TCERG1L: variants seen among roughly 807,000 people sequenced by gnomAD.
TCERG1L encodes the protein transcription elongation regulator 1-like protein.
Under a neutral mutation model 56.3 loss-of-function variants are expected in TCERG1L, and 37 were observed. That is an observed-to-expected ratio of 0.66 (90% confidence interval 0.51 to 0.87). The LOEUF (loss-of-function observed/expected upper bound fraction) is 0.87, where lower values mean the gene tolerates loss of function less well. Among genes scored for constraint, TCERG1L ranks in the 40% least tolerant of loss-of-function variants. TCERG1L has a pLI of 0.00. For missense variants in TCERG1L, 799 were observed against 774.2 expected, an observed-to-expected ratio of 1.03 and a Z score of -0.38; for synonymous variants, 324 against 326.3, an observed-to-expected ratio of 0.99 and a Z score of 0.08.
Position 131,247,045 on chromosome 10 carries a change from G to C in TCERG1L, c.856+13214C>G, listed in dbSNP as rs193216313. 3.9e-5 allele frequency among the ~76,000 whole-genome samples: 6 copies of C among 152,240 alleles called. No homozygotes were observed. In the East Asian group the frequency reaches 9.7e-4, roughly 25 times the overall value. ...GGCACAACAGATTCCCAAGCTGGTG[G>C]GGTGAGATGTGTAGGGAGGGGAGTA... On this transcript the variant is annotated intron_variant, in intron 4 of 11. Coordinates refer to ENST00000368642, the MANE Select transcript of TCERG1L (RefSeq NM_174937.4).
chr10:131,258,259 GA>G (rs1459961980), intron 4 of TCERG1L, among the ~76,000 whole-genome samples: 1 of 152,228 alleles, frequency 6.6e-6, no homozygotes, highest in Non-Finnish European at 1.5e-5. Context: ...CGATGGTTTA[GA>G]AAACAGCCCG....
chr10:131,177,919 C>T (rs898621731), intron 4 of TCERG1L, among the ~76,000 whole-genome samples: 10 of 151,618 alleles, frequency 6.6e-5, no homozygotes, highest in Non-Finnish European at 1.2e-4. Flanking sequence ...GTCAGCCTCT[C>T]GAGTCCCTGC....
chr10:131,215,979 G>A (rs1845665238), intron 4 of TCERG1L, among the ~76,000 whole-genome samples: 1 of 152,190 alleles, frequency 6.6e-6, no homozygotes, highest in African/African-American at 2.4e-5. Context: ...GGCCACAGCT[G>A]AGCCATGCTG....
chr10:131,290,785 A>ACACTG (rs5789083), intron 3 of TCERG1L, among the ~76,000 whole-genome samples: 82 of 151,734 alleles, frequency 5.4e-4, no homozygotes, highest in Admixed American at 1.0e-3. Context: ...AACACTTACC[A>ACACTG]CATTGGAGGT....
intron 11 of TCERG1L, among the ~76,000 whole-genome samples, chr10:131,097,433 C>T (rs1158889036): frequency 1.3e-5 from 2 of 152,082 alleles, no homozygotes; most frequent in African/African-American, 2.4e-5. Flanking sequence ...CTGCAAGCTC[C>T]GCCTCCCAGG....
At chr10:131,258,106 G>A (rs866690984) in intron 4 of TCERG1L, among the ~76,000 whole-genome samples, 10 of 151,896 alleles carry the variant, frequency 6.6e-5, no homozygotes, top group Admixed American at 5.2e-4. Context: ...CCCTCCATGG[G>A]ATAGCTCATC....
At chr10:131,307,223 T>C (rs914991459) in intron 3 of TCERG1L, among the ~76,000 whole-genome samples, 2 of 152,198 alleles carry the variant, frequency 1.3e-5, no homozygotes, top group African/African-American at 4.8e-5. Flanking sequence ...CCCTAATGCA[T>C]AATTACAAGG....
chr10:131,123,351 A>T (rs1346355015), intron 8 of TCERG1L, among the ~76,000 whole-genome samples: 1 of 152,130 alleles, frequency 6.6e-6, no homozygotes, highest in Admixed American at 6.5e-5. Context: ...AGGGTCTGAG[A>T]CCATCACAAG....
chr10:131,295,236 G>C (rs1000527365), intron 3 of TCERG1L, among the ~76,000 whole-genome samples: 1 of 152,130 alleles, frequency 6.6e-6, no homozygotes, highest in Non-Finnish European at 1.5e-5. Context: ...AGCCAACATC[G>C]CTTAGGAATA....
intron 3 of TCERG1L, among the ~76,000 whole-genome samples, chr10:131,273,634 A>G (rs1449226531): frequency 6.6e-6 from 1 of 152,152 alleles, no homozygotes; most frequent in Non-Finnish European, 1.5e-5. Context: ...ATTTGCCGAG[A>G]GGAGGCTCCA....
intron 8 of TCERG1L, among the ~76,000 whole-genome samples, chr10:131,131,284 G>C (rs1845615660): frequency 6.6e-6 from 1 of 152,150 alleles, no homozygotes; most frequent in Admixed American, 6.5e-5. Context: ...ATAGGAGGGA[G>C]GGAACTGTTC....
chr10:131,158,215 C>T (rs1284124976), intron 6 of TCERG1L, among the ~76,000 whole-genome samples: 1 of 152,224 alleles, frequency 6.6e-6, no homozygotes, highest in Non-Finnish European at 1.5e-5. Flanking sequence ...AGAAACATCA[C>T]CCTTCTGCTC....
chr10:131,153,723 C>G (rs569274698), intron 6 of TCERG1L, among the ~76,000 whole-genome samples: 2 of 152,202 alleles, frequency 1.3e-5, no homozygotes, highest in African/African-American at 4.8e-5. Context: ...CTGGGAGCAG[C>G]CAGCACCCTG....
At chr10:131,095,701 G>A (rs1209488691) in intron 11 of TCERG1L, 1 of 152,082 alleles carries the variant, frequency 6.6e-6, no homozygotes, top group African/African-American at 2.4e-5. Flanking sequence ...ATTATAGTAA[G>A]CATCTTATCT....
chr10:131,119,744 T>TTTTAGTA (rs1408628142), intron 8 of TCERG1L, among the ~76,000 whole-genome samples: 1 of 152,236 alleles, frequency 6.6e-6, no homozygotes, highest in Non-Finnish European at 1.5e-5. Flanking sequence ...AAGTAAATTC[T>TTTTAGTA]AATACTTTTA....
intron 4 of TCERG1L, among the ~76,000 whole-genome samples, chr10:131,172,198 GA>G (rs1483588379): frequency 6.6e-6 from 1 of 152,134 alleles, no homozygotes; most frequent in Non-Finnish European, 1.5e-5. Flanking sequence ...GAGGCTGTAA[GA>G]ACATGCGTCT....
At chr10:131,256,318 C>T (rs1846164207) in intron 4 of TCERG1L, among the ~76,000 whole-genome samples, 1 of 72,638 alleles carries the variant, frequency 1.4e-5, no homozygotes, top group Non-Finnish European at 3.3e-5. Flanking sequence ...GACTTTCTGA[C>T]TTGGCTGGTA....
intron 3 of TCERG1L, among the ~76,000 whole-genome samples, chr10:131,270,912 C>T (rs2133552961): frequency 6.6e-6 from 1 of 152,322 alleles, no homozygotes. Context: ...CCCCTCCCCA[C>T]ACTGGCTGAA....
At chr10:131,094,721 T>A (rs570725800) in intron 11 of TCERG1L, among the ~76,000 whole-genome samples, 1 of 152,180 alleles carries the variant, frequency 6.6e-6, no homozygotes, top group African/African-American at 2.4e-5. Flanking sequence ...CCTTTCTTCC[T>A]TCTCTCCCTC....
Sources: allele counts gnomAD v4.1 joint callset (sites outside exome capture counted in the v4.1 genomes callset), GRCh38; gene constraint gnomAD v4.1.1; transcripts MANE v1.5; gene names NCBI Gene and HGNC (gene_info 2026-07-23, HGNC 2026-07-21).